The following GPR39 variants were observed in gnomAD, a reference collection of about 807,000 sequenced individuals.
GPR39 encodes zinc sensing receptor.
GPR39 carries 23 observed loss-of-function variants against 18.4 expected under a neutral mutation model. That is an observed-to-expected ratio of 1.25 (90% CI 0.90 to 1.77). The LOEUF (loss-of-function observed/expected upper bound fraction) is 1.77. Ranked by LOEUF, GPR39 falls within the 40% of genes most tolerant of loss-of-function variation. The pLI, the probability that GPR39 is intolerant of heterozygous loss-of-function variation, is 0.00. For missense variants in GPR39, 647 were observed against 602.4 expected (o/e 1.07, Z -0.78); for synonymous variants, 280 against 257.9 (o/e 1.09, Z -0.82).
At chr2:132,523,054 C>T (rs1024828901) in intron 1 of GPR39, among the ~76,000 whole-genome samples, 3 of 150,282 alleles carry the variant, frequency 2.0e-5, no homozygotes, top group Middle Eastern at 3.2e-3. Flanking sequence ...CACCAACTTA[C>T]GTAACAAATC....
intron 1 of GPR39, among the ~76,000 whole-genome samples, chr2:132,442,402 G>A (rs569674479): frequency 6.6e-6 from 1 of 152,228 alleles, no homozygotes; most frequent in South Asian, 2.1e-4. Context: ...GCGTGGGGGT[G>A]GAGGGGGGCT....
At chr2:132,609,691 C>T (rs999513749) in intron 1 of GPR39, among the ~76,000 whole-genome samples, 2 of 152,206 alleles carry the variant, frequency 1.3e-5, no homozygotes, top group African/African-American at 2.4e-5. Flanking sequence ...CAGTCCCCTT[C>T]TGGCTGGGGC....
At chr2:132,559,312 G>T (rs1169339026) in intron 1 of GPR39, among the ~76,000 whole-genome samples, 4 of 152,150 alleles carry the variant, frequency 2.6e-5, no homozygotes, top group African/African-American at 9.7e-5. Context: ...TGATTTCCCA[G>T]ATTTGGGGGG....
chr2:132,644,275 C>T (rs1681938981), intron 1 of GPR39, among the ~76,000 whole-genome samples: 1 of 152,252 alleles, frequency 6.6e-6, no homozygotes, highest in Non-Finnish European at 1.5e-5. Flanking sequence ...ATTTGATCTA[C>T]AGAAGGGCCT....
rs1215942154 is a variant in GPR39, at chr2:132,421,512, T to C, written c.856+3614T>C. Among the ~76,000 whole-genome samples the C allele has an allele frequency of 5.9e-5, 9 of 152,286 alleles. No individual in the cohort carries two copies. In the East Asian group the frequency reaches 1.5e-3, roughly 26 times the overall value. On this transcript the variant is annotated intron_variant, in intron 1 of 1. Coordinates refer to ENST00000329321, the MANE Select transcript of GPR39 (RefSeq NM_001508.3). ...TCATAGAAGATTCATAACTCTAGAA[T>C]AATTACACTCTTTTGCATTCTGATT...
At chr2:132,596,650 A>G (rs113326139) in intron 1 of GPR39, among the ~76,000 whole-genome samples, 27 of 151,800 alleles carry the variant, frequency 1.8e-4, no homozygotes, top group Middle Eastern at 3.4e-3. Context: ...TTTATTTTTC[A>G]ACTCTTTGTC....
intron 1 of GPR39, among the ~76,000 whole-genome samples, chr2:132,521,077 G>A (rs567156925): frequency 3.3e-5 from 5 of 152,266 alleles, no homozygotes; most frequent in Admixed American, 1.3e-4. Context: ...CTTAGCACAC[G>A]GGCTTCGTCC....
chr2:132,441,925 G>A (rs1216024583), intron 1 of GPR39, among the ~76,000 whole-genome samples: 2 of 152,188 alleles, frequency 1.3e-5, no homozygotes, highest in East Asian at 3.9e-4. Context: ...TTCTGGAGAT[G>A]ATTTTGCTCC....
chr2:132,612,264 C>T (rs892478780), intron 1 of GPR39, among the ~76,000 whole-genome samples: 1 of 152,162 alleles, frequency 6.6e-6, no homozygotes, highest in African/African-American at 2.4e-5. Flanking sequence ...TGTATCTCTT[C>T]CCTCCATGGT....
At chr2:132,595,579 A>C (rs1680927713) in intron 1 of GPR39, among the ~76,000 whole-genome samples, 1 of 152,122 alleles carries the variant, frequency 6.6e-6, no homozygotes, top group East Asian at 1.9e-4. Context: ...TTTTCTGCTG[A>C]TCATGGGTTC....
intron 1 of GPR39, among the ~76,000 whole-genome samples, chr2:132,559,325 A>T (rs1044217126): frequency 6.6e-5 from 10 of 152,146 alleles, no homozygotes; most frequent in African/African-American, 2.2e-4. Context: ...TTGGGGGGTA[A>T]CATCAGGCAC....
chr2:132,552,400 A>G (rs1680059456), intron 1 of GPR39, among the ~76,000 whole-genome samples: 1 of 151,998 alleles, frequency 6.6e-6, no homozygotes, highest in Non-Finnish European at 1.5e-5. Context: ...CTGCCTTGTG[A>G]GATGCCTGTT....
At chr2:132,439,966 G>A (rs1573602995) in intron 1 of GPR39, among the ~76,000 whole-genome samples, 1 of 152,178 alleles carries the variant, frequency 6.6e-6, no homozygotes, top group South Asian at 2.1e-4. Context: ...CAAAGGGATT[G>A]GAGTCCAAGG....
chr2:132,574,325 G>A (rs1223124436), intron 1 of GPR39, among the ~76,000 whole-genome samples: 1 of 152,170 alleles, frequency 6.6e-6, no homozygotes. Flanking sequence ...CTACTCATAA[G>A]GATAAGTATT....
intron 1 of GPR39, among the ~76,000 whole-genome samples, chr2:132,608,669 A>G (rs1204703990): frequency 6.6e-6 from 1 of 152,206 alleles, no homozygotes; most frequent in East Asian, 1.9e-4. Context: ...ATGTGGCAGA[A>G]CAACCACAGA....
At chr2:132,591,693 G>A (rs537162423) in intron 1 of GPR39, among the ~76,000 whole-genome samples, 5 of 152,188 alleles carry the variant, frequency 3.3e-5, no homozygotes, top group Admixed American at 6.5e-5. Context: ...ATTGTAAAAC[G>A]AGAAACACAT....
At chr2:132,502,854 CT>C (rs1387240734) in intron 1 of GPR39, among the ~76,000 whole-genome samples, 2 of 152,142 alleles carry the variant, frequency 1.3e-5, no homozygotes, top group Non-Finnish European at 2.9e-5. Flanking sequence ...GTGTTCAGTT[CT>C]GCTGCTGAGA....
intron 1 of GPR39, among the ~76,000 whole-genome samples, chr2:132,594,816 G>A (rs907078933): frequency 4.6e-5 from 7 of 151,822 alleles, no homozygotes; most frequent in African/African-American, 7.3e-5. Context: ...GAGTTACTTC[G>A]CCACTCTATG....
chr2:132,633,448 T>C (rs959444622), intron 1 of GPR39, among the ~76,000 whole-genome samples: 2 of 150,962 alleles, frequency 1.3e-5, no homozygotes, highest in African/African-American at 4.9e-5. Context: ...GAAAAGAACT[T>C]TGGGCTGTTA....
Sources: gnomAD v4.1 joint callset for allele counts (sites outside exome capture counted in the v4.1 genomes callset) on GRCh38, gnomAD v4.1.1 for gene constraint, MANE v1.5 for transcripts, NCBI Gene and HGNC (gene_info 2026-07-23, HGNC 2026-07-21) for gene names.